ABTB3: variants seen among roughly 807,000 people sequenced by gnomAD.
The protein encoded by ABTB3 is ankyrin repeat- and BTB/POZ domain-containing protein 3.
At chr12:107,469,857 CTTTCTTTCT>C in the ABTB3 span, among the ~76,000 whole-genome samples, 34 of 140,660 alleles carry the variant, frequency 2.4e-4, 1 homozygote, top group South Asian at 6.8e-4. Context: ...CTTTCTCTTT[CTTTCTTTCT>C]TTTCTTTCTT....
At chr12:107,422,661 G>A in the ABTB3 span, among the ~76,000 whole-genome samples, 1 of 152,240 alleles carries the variant, frequency 6.6e-6, no homozygotes, top group East Asian at 1.9e-4. Flanking sequence ...GATCTGCCAA[G>A]ATTTGCTAAC....
chr12:107,497,668 T>C, the ABTB3 span, among the ~76,000 whole-genome samples: 530 of 152,334 alleles, frequency 3.5e-3, 2 homozygotes, highest in African/African-American at 0.012. Context: ...TGATGGATGA[T>C]GAGGCATTTC....
At chr12:107,454,781 T>G in the ABTB3 span, among the ~76,000 whole-genome samples, 7 of 152,296 alleles carry the variant, frequency 4.6e-5, no homozygotes, top group African/African-American at 1.7e-4. Flanking sequence ...TCCTCTCTTT[T>G]ACTCACCCTT....
the ABTB3 span, among the ~76,000 whole-genome samples, chr12:107,448,659 A>G: frequency 3.5e-5 from 5 of 143,014 alleles, no homozygotes; most frequent in African/African-American, 1.1e-4. Flanking sequence ...TTTTTTTTTG[A>G]GGTGCAGTCT....
chr12:107,354,846 C>G, the ABTB3 span, among the ~76,000 whole-genome samples: 2 of 152,156 alleles, frequency 1.3e-5, no homozygotes, highest in Non-Finnish European at 2.9e-5. Context: ...TACCCTTAAC[C>G]CCTGGCAATT....
chr12:107,384,021 G>A, the ABTB3 span, among the ~76,000 whole-genome samples: 1 of 152,130 alleles, frequency 6.6e-6, no homozygotes, highest in Admixed American at 6.5e-5. Flanking sequence ...TGAGCATCCG[G>A]CCCAGGTGTG....
chr12:107,575,412 C>T, the ABTB3 span, among the ~76,000 whole-genome samples: 11 of 152,208 alleles, frequency 7.2e-5, no homozygotes, highest in East Asian at 1.9e-4. Flanking sequence ...TACATCATCC[C>T]GTTCAATTCT....
chr12:107,433,009 G>A, the ABTB3 span, among the ~76,000 whole-genome samples: 1 of 152,274 alleles, frequency 6.6e-6, no homozygotes, highest in African/African-American at 2.4e-5. Context: ...AGAGTGGCCG[G>A]GCGCGGTGGC....
At chr12:107,412,098 G>A in the ABTB3 span, among the ~76,000 whole-genome samples, 1 of 152,202 alleles carries the variant, frequency 6.6e-6, no homozygotes. Flanking sequence ...AATTGACAGT[G>A]TTTATAGGGT....
At chr12:107,574,123 C>T in the ABTB3 span, among the ~76,000 whole-genome samples, 1 of 152,216 alleles carries the variant, frequency 6.6e-6, no homozygotes, top group Admixed American at 6.5e-5. Context: ...AAATGAGAAT[C>T]CAGGTGGAGA....
chr12:107,378,557 G>A, the ABTB3 span, among the ~76,000 whole-genome samples: 1 of 152,144 alleles, frequency 6.6e-6, no homozygotes, highest in African/African-American at 2.4e-5. Context: ...GTCCAACAAT[G>A]CACCCCATCC....
At chr12:107,351,830 A>C in the ABTB3 span, among the ~76,000 whole-genome samples, 1 of 152,106 alleles carries the variant, frequency 6.6e-6, no homozygotes, top group Admixed American at 6.5e-5. Context: ...ACCCTCTCCC[A>C]ATTAATATCT....
chr12:107,350,192 AG>A, the ABTB3 span, among the ~76,000 whole-genome samples: 1 of 152,154 alleles, frequency 6.6e-6, no homozygotes, highest in Non-Finnish European at 1.5e-5. Flanking sequence ...AAACTAATTT[AG>A]GGGGGAAAAA....
the ABTB3 span, among the ~76,000 whole-genome samples, chr12:107,555,346 A>G: frequency 6.6e-6 from 1 of 152,208 alleles, no homozygotes; most frequent in Non-Finnish European, 1.5e-5. Flanking sequence ...GTTGCCAAGG[A>G]GTTCTCAGCC....
the ABTB3 span, among the ~76,000 whole-genome samples, chr12:107,626,343 C>CTTTTTTTTTTTTTTTTTTTTTTT: frequency 3.7e-4 from 42 of 112,512 alleles, 1 homozygote; most frequent in African/African-American, 1.4e-3. Flanking sequence ...CTATCGTCAT[C>CTTTTTTTTTTTTTTTTTTTTTTT]TTTTTTTTTT....
At chr12:107,319,328 G>A in the ABTB3 span, 1 of 1,547,680 alleles carries the variant, frequency 6.5e-7, no homozygotes. Flanking sequence ...GGACGCGCTG[G>A]CCAAGCTGTC....
At chr12:107,363,425 C>A in the ABTB3 span, among the ~76,000 whole-genome samples, 1 of 152,070 alleles carries the variant, frequency 6.6e-6, no homozygotes. Flanking sequence ...AGGGAGAAAA[C>A]AATGAATCTG....
At chr12:107,329,969 A>G in the ABTB3 span, among the ~76,000 whole-genome samples, 1 of 152,334 alleles carries the variant, frequency 6.6e-6, no homozygotes, top group East Asian at 1.9e-4. Flanking sequence ...TCTTTACCAC[A>G]GCTCTTGATG....
chr12:107,655,056 A>T, the ABTB3 span, among the ~76,000 whole-genome samples: 6 of 152,024 alleles, frequency 3.9e-5, no homozygotes, highest in Admixed American at 1.3e-4. Flanking sequence ...CATGAACTTG[A>T]CATCCACAGT....
Sources: allele counts gnomAD v4.1 joint callset (sites outside exome capture counted in the v4.1 genomes callset), GRCh38; gene constraint gnomAD v4.1.1; transcripts MANE v1.5; gene names NCBI Gene and HGNC (gene_info 2026-07-23, HGNC 2026-07-21).